The following KCNT2 variants were observed in gnomAD, a reference collection of about 807,000 sequenced individuals.
KCNT2 encodes the protein potassium channel subfamily T member 2.
Under a neutral mutation model 153.8 loss-of-function variants are expected in KCNT2, and 67 were observed. The observed-to-expected ratio is 0.44, with a 90% CI of 0.36 to 0.53. KCNT2 has a LOEUF of 0.53. Ranked by LOEUF, KCNT2 falls within the 20% of genes least tolerant of loss-of-function variation. The pLI, the probability that KCNT2 is intolerant of heterozygous loss-of-function variation, is 0.00. For missense variants in KCNT2, 975 were observed against 1,354.8 expected (o/e 0.72, Z 4.40); for synonymous variants, 500 against 458.8 (o/e 1.09, Z -1.15).
chr1:196,580,995 C>A (rs919389544), intron 1 of KCNT2, among the ~76,000 whole-genome samples: 5 of 152,016 alleles, frequency 3.3e-5, no homozygotes, highest in Admixed American at 2.0e-4. Context: ...ATTATTTTGG[C>A]AAGAACATTT....
intron 22 of KCNT2, among the ~76,000 whole-genome samples, chr1:196,304,348 G>A (rs562464739): frequency 2.0e-5 from 3 of 152,172 alleles, no homozygotes; most frequent in Non-Finnish European, 2.9e-5. Flanking sequence ...AAACAGCCTA[G>A]ATTTAACTAT....
intron 13 of KCNT2, among the ~76,000 whole-genome samples, chr1:196,375,753 A>G (rs914683682): frequency 1.3e-5 from 2 of 151,732 alleles, no homozygotes; most frequent in African/African-American, 4.8e-5. Flanking sequence ...TATTTATTAT[A>G]AAAAGAGAGT....
intron 8 of KCNT2, among the ~76,000 whole-genome samples, chr1:196,441,603 A>C (rs149082367): frequency 2.4e-4 from 36 of 151,482 alleles, no homozygotes; most frequent in Non-Finnish European, 4.3e-4. Flanking sequence ...TTTAAACAAA[A>C]TTATGTTAAA....
intron 22 of KCNT2, among the ~76,000 whole-genome samples, chr1:196,300,496 T>C (rs1325830927): frequency 2.2e-4 from 33 of 152,066 alleles, no homozygotes; most frequent in Admixed American, 2.2e-3. Flanking sequence ...AATTAGGTCA[T>C]AAGATCCTCA....
intron 13 of KCNT2, among the ~76,000 whole-genome samples, chr1:196,382,728 T>C (rs1308341186): frequency 6.6e-6 from 1 of 152,130 alleles, no homozygotes; most frequent in Non-Finnish European, 1.5e-5. Flanking sequence ...TTTTCATGTA[T>C]TGGCTTCCCA....
chr1:196,305,379 CA>C, intron 21 of KCNT2, 34 bp from the exon 22 acceptor site: 2 of 1,089,918 alleles, frequency 1.8e-6, no homozygotes, highest in Non-Finnish European at 2.8e-6. Flanking sequence ...ATTACACTAA[CA>C]ATCCAATATG....
intron 26 of KCNT2, among the ~76,000 whole-genome samples, chr1:196,250,083 C>T (rs954927222): frequency 1.3e-5 from 2 of 151,168 alleles, no homozygotes; most frequent in Non-Finnish European, 2.9e-5. Context: ...ATTCTTCACA[C>T]AAATAAAAAA....
At chr1:196,468,949 A>G (rs1233293619) in intron 6 of KCNT2, 45 bp downstream of exon 6, 2 of 1,110,760 alleles carry the variant, frequency 1.8e-6, no homozygotes, top group Non-Finnish European at 2.7e-6. Context: ...ATTTTACTTA[A>G]GTCTAATTAC....
intron 12 of KCNT2, among the ~76,000 whole-genome samples, chr1:196,403,254 A>G (rs954086493): frequency 2.0e-5 from 3 of 151,678 alleles, no homozygotes; most frequent in Admixed American, 2.0e-4. Context: ...TATCAATCCA[A>G]GAAAAGACAT....
intron 1 of KCNT2, among the ~76,000 whole-genome samples, chr1:196,532,211 A>T (rs554666992): frequency 6.6e-6 from 1 of 152,148 alleles, no homozygotes; most frequent in Non-Finnish European, 1.5e-5. Flanking sequence ...TCAGTTTGGC[A>T]TAACAGTACA....
chr1:196,235,898 G>A, intron 27 of KCNT2, 88 bp downstream of exon 27: 1 of 742,630 alleles, frequency 1.3e-6, no homozygotes. Context: ...AGAAAAATAA[G>A]AGGCTATTAT....
chr1:196,512,983 C>A (rs1402403466), intron 1 of KCNT2, among the ~76,000 whole-genome samples: 2 of 152,048 alleles, frequency 1.3e-5, no homozygotes, highest in African/African-American at 4.8e-5. Flanking sequence ...AATAAACACC[C>A]ACTCTCTTCT....
chr1:196,253,276 G>T (rs897189620), intron 26 of KCNT2, among the ~76,000 whole-genome samples: 1 of 150,990 alleles, frequency 6.6e-6, no homozygotes, highest in Non-Finnish European at 1.5e-5. Context: ...ACTGTATTTC[G>T]GATAGTCTAT....
chr1:196,417,711 C>G (rs1034963958), intron 12 of KCNT2, among the ~76,000 whole-genome samples: 1 of 152,054 alleles, frequency 6.6e-6, no homozygotes, highest in Non-Finnish European at 1.5e-5. Flanking sequence ...GGGATATATT[C>G]TGAGAAATCC....
At chr1:196,607,388 GAC>G (rs966017715) in intron 1 of KCNT2, among the ~76,000 whole-genome samples, 39 of 152,202 alleles carry the variant, frequency 2.6e-4, no homozygotes, top group African/African-American at 3.9e-4. Flanking sequence ...ATGTGCTTGA[GAC>G]AGAAATAGAC....
At position 196,430,079 on chromosome 1, in the gene KCNT2, T is replaced by G. The variant is rs149011958; in HGVS notation, c.639-322A>C. On this transcript the variant is annotated intron_variant, in intron 8 of 27. Transcript: ENST00000294725. Reference sequence around the variant, plus strand: ...AACATCAACACAAGAAATCGCTACCTCTAATCCCTACCAAAATACCAAGTC... The same window carrying G: ...AACATCAACACAAGAAATCGCTACCGCTAATCCCTACCAAAATACCAAGTC... 5.4e-4 allele frequency among the ~76,000 whole-genome samples: 82 copies of G among 152,202 alleles called. 2 individuals carry two copies. The East Asian group carries it at 0.015, about 28-fold the overall frequency.
At chr1:196,469,515 CAATTT>C (rs1677907187) in intron 5 of KCNT2, among the ~76,000 whole-genome samples, 1 of 152,076 alleles carries the variant, frequency 6.6e-6, no homozygotes, top group African/African-American at 2.4e-5. Flanking sequence ...CACTTTAATA[CAATTT>C]AAAGAAAGGA....
rs569465804 is a variant in KCNT2, at chr1:196,564,986, A to C, written c.95+43229T>G. On this transcript the variant is annotated intron_variant, in intron 1 of 27. Coordinates refer to ENST00000294725, the MANE Select transcript of KCNT2 (RefSeq NM_198503.5). ...AAAAAATAATCAAATAGGGTTACAT[A>C]AAACATCCCAGGAAAACAATCAACA... 1.2e-4 allele frequency among the ~76,000 whole-genome samples: 18 copies of C among 151,898 alleles called. 2 individuals carry two copies. The highest frequency in any genetic ancestry group is 4.3e-4 in the African/African-American group (18 of 41,542).
chr1:196,316,854 A>G (rs1416471812), intron 20 of KCNT2, among the ~76,000 whole-genome samples: 2 of 151,812 alleles, frequency 1.3e-5, no homozygotes, highest in African/African-American at 4.8e-5. Flanking sequence ...CATGCAAACT[A>G]GAAAAGTAGA....
Sources: allele counts gnomAD v4.1 joint callset (sites outside exome capture counted in the v4.1 genomes callset), GRCh38; gene constraint gnomAD v4.1.1; transcripts MANE v1.5; gene names NCBI Gene and HGNC (gene_info 2026-07-23, HGNC 2026-07-21).